Variants in FNIP2 observed in about 807,000 individuals in gnomAD.
FNIP2 encodes folliculin-interacting protein 2.
In FNIP2, 32 loss-of-function variants were observed where a neutral mutation model predicts 108.7. The observed-to-expected ratio is 0.29, with a 90% CI of 0.22 to 0.40. The LOEUF (loss-of-function observed/expected upper bound fraction) is 0.40. Ranked by LOEUF, FNIP2 falls within the 10% of genes least tolerant of loss-of-function variation. The pLI, the probability that FNIP2 is intolerant of heterozygous loss-of-function variation, is 1.00. For missense variants in FNIP2, 1,202 were observed against 1,381.6 expected (o/e 0.87, Z 2.06); for synonymous variants, 480 against 496.7 (o/e 0.97, Z 0.45).
intron 1 of FNIP2, among the ~76,000 whole-genome samples, chr4:158,812,121 G>A (rs1417586092): frequency 1.3e-5 from 2 of 152,192 alleles, no homozygotes; most frequent in Non-Finnish European, 1.5e-5. Flanking sequence ...AGAGGTCACT[G>A]CCCCTAATAT....
intron 1 of FNIP2, among the ~76,000 whole-genome samples, chr4:158,776,458 C>T (rs4130761): frequency 0.032 from 4,917 of 152,216 alleles, 181 homozygotes; most frequent in Admixed American, 0.11. Flanking sequence ...CTCTGATATG[C>T]CTGGAAAATT....
At chr4:158,903,587 T>C (rs975606377) in intron 16 of FNIP2, among the ~76,000 whole-genome samples, 19 of 152,166 alleles carry the variant, frequency 1.2e-4, no homozygotes, top group African/African-American at 4.6e-4. Flanking sequence ...ATTAGTGGAC[T>C]CATGTTCATC....
intron 15 of FNIP2, among the ~76,000 whole-genome samples, chr4:158,892,195 T>C (rs1029186231): frequency 1.4e-5 from 2 of 146,124 alleles, no homozygotes; most frequent in African/African-American, 5.1e-5. Flanking sequence ...AGTAGTGCAG[T>C]GGCATGATCT....
intron 14 of FNIP2, among the ~76,000 whole-genome samples, chr4:158,874,017 T>G (rs561590907): frequency 7.9e-5 from 12 of 152,252 alleles, no homozygotes; most frequent in African/African-American, 2.9e-4. Context: ...ACTGTTGGGG[T>G]TATTGTGGGG....
chr4:158,773,147 CA>C (rs934993428), intron 1 of FNIP2, among the ~76,000 whole-genome samples: 4 of 152,098 alleles, frequency 2.6e-5, no homozygotes, highest in African/African-American at 9.7e-5. Context: ...TTTTTAATGC[CA>C]ATAATATAAA....
chr4:158,829,295 A>T, intron 3 of FNIP2, 70 bp downstream of exon 3: 1 of 1,376,274 alleles, frequency 7.3e-7, no homozygotes, highest in Non-Finnish European at 9.8e-7. Context: ...TCCTTGGGAA[A>T]TAATGCCTGC....
chr4:158,790,292 T>C (rs535140086), intron 1 of FNIP2, among the ~76,000 whole-genome samples: 1 of 151,746 alleles, frequency 6.6e-6, no homozygotes, highest in East Asian at 2.0e-4. Flanking sequence ...AATACATTAA[T>C]GGATCCTATA....
intron 6 of FNIP2, chr4:158,834,325 T>TCTCTCTCTCC (rs1390704315): frequency 6.7e-6 from 1 of 149,916 alleles, no homozygotes; most frequent in African/African-American, 2.5e-5. Flanking sequence ...TCTCTCTCTC[T>TCTCTCTCTCC]CTCTCCCTCT....
At chr4:158,864,034 G>GT (rs1197313704) in intron 12 of FNIP2, among the ~76,000 whole-genome samples, 1 of 151,898 alleles carries the variant, frequency 6.6e-6, no homozygotes, top group Non-Finnish European at 1.5e-5. Context: ...ATGTATTTTT[G>GT]TTGTTGTTGT....
chr4:158,788,090 GC>G (rs1455543489), intron 1 of FNIP2, among the ~76,000 whole-genome samples: 3 of 152,164 alleles, frequency 2.0e-5, no homozygotes, highest in African/African-American at 4.8e-5. Context: ...GCTTAACCAT[GC>G]CGTGCTATGC....
At chr4:158,852,736 G>A (rs191798484) in intron 8 of FNIP2, among the ~76,000 whole-genome samples, 40 of 152,210 alleles carry the variant, frequency 2.6e-4, no homozygotes, top group Admixed American at 2.5e-3. Context: ...GTCAGGAGAC[G>A]GCATCGCCAC....
chr4:158,775,393 T>TC (rs1775827193), intron 1 of FNIP2, among the ~76,000 whole-genome samples: 1 of 152,216 alleles, frequency 6.6e-6, no homozygotes. Flanking sequence ...GCATTCTTTA[T>TC]CTCAGATTTA....
chr4:158,812,014 AT>A (rs1223364739), intron 1 of FNIP2, among the ~76,000 whole-genome samples: 1 of 152,220 alleles, frequency 6.6e-6, no homozygotes, highest in Non-Finnish European at 1.5e-5. Flanking sequence ...GATGATTTGG[AT>A]TCAGAAAGTA....
chr4:158,773,815 C>G (rs1236113439), intron 1 of FNIP2, among the ~76,000 whole-genome samples: 2 of 152,154 alleles, frequency 1.3e-5, no homozygotes, highest in Non-Finnish European at 2.9e-5. Context: ...GACACTCACT[C>G]AAACCTGGTA....
intron 14 of FNIP2, among the ~76,000 whole-genome samples, chr4:158,882,187 A>G (rs1362896932): frequency 3.1e-4 from 40 of 130,228 alleles, no homozygotes; most frequent in Middle Eastern, 5.7e-3. Context: ...CCCTCCGCCC[A>G]GCAGCCGCCC....
At chr4:158,811,330 G>A (rs138845575) in intron 1 of FNIP2, among the ~76,000 whole-genome samples, 1 of 152,164 alleles carries the variant, frequency 6.6e-6, no homozygotes, top group Non-Finnish European at 1.5e-5. Flanking sequence ...GCCTCACCCT[G>A]TCCAAAGGCA....
intron 1 of FNIP2, 74 bp from the exon 2 acceptor site, chr4:158,825,842 G>A: frequency 6.5e-7 from 1 of 1,539,306 alleles, no homozygotes; most frequent in Non-Finnish European, 8.9e-7. Context: ...CATGGTGACT[G>A]GGAAGCTTAT....
chr4:158,807,073 T>G (rs915953593), intron 1 of FNIP2, among the ~76,000 whole-genome samples: 4 of 152,226 alleles, frequency 2.6e-5, no homozygotes, highest in African/African-American at 9.6e-5. Flanking sequence ...TGAAATGCTA[T>G]TTGTAAAGAA....
chr4:158,818,045 G>A (rs1170849180), intron 1 of FNIP2, among the ~76,000 whole-genome samples: 1 of 152,240 alleles, frequency 6.6e-6, no homozygotes, highest in African/African-American at 2.4e-5. Context: ...AACTTCATCT[G>A]TTTTAGAGTT....
Sources: allele counts gnomAD v4.1 joint callset (sites outside exome capture counted in the v4.1 genomes callset), GRCh38; gene constraint gnomAD v4.1.1; transcripts MANE v1.5; gene names NCBI Gene and HGNC (gene_info 2026-07-23, HGNC 2026-07-21).